TXNDC11: variants seen among roughly 807,000 people sequenced by gnomAD.
The protein encoded by TXNDC11 is thioredoxin domain containing 11, also known as thioredoxin domain-containing protein 11.
In TXNDC11, 68 loss-of-function variants were observed where a neutral mutation model predicts 78.0. That is an observed-to-expected ratio of 0.87 (90% CI 0.72 to 1.07). The LOEUF (loss-of-function observed/expected upper bound fraction) is 1.07, where lower values mean the gene tolerates loss of function less well. TXNDC11 is among the 50% of genes least tolerant of loss of function. The probability of loss-of-function intolerance (pLI) is 0.00; values close to 1 mark genes in which losing one functional copy is unlikely to be tolerated. For synonymous variants in TXNDC11, 571 were observed against 495.2 expected (o/e 1.15, Z -2.03); for missense variants, 1,389 against 1,221.8 (o/e 1.14, Z -2.04).
chr16:11,718,890 G>A (rs2051622530), intron 5 of TXNDC11, among the ~76,000 whole-genome samples: 1 of 152,136 alleles, frequency 6.6e-6, no homozygotes, highest in African/African-American at 2.4e-5. Flanking sequence ...ATTTGACCAA[G>A]GAGGTTCATT....
intron 7 of TXNDC11, among the ~76,000 whole-genome samples, chr16:11,692,809 A>C (rs771472080): frequency 6.6e-6 from 1 of 152,090 alleles, no homozygotes; most frequent in Non-Finnish European, 1.5e-5. Flanking sequence ...ACCTCCACAC[A>C]ATCTGGCCCG....
At chr16:11,722,620 C>T (rs1249277588) in intron 4 of TXNDC11, among the ~76,000 whole-genome samples, 1 of 152,084 alleles carries the variant, frequency 6.6e-6, no homozygotes, top group Non-Finnish European at 1.5e-5. Flanking sequence ...ACCTCAGTTG[C>T]CTGATGTGGA....
chr16:11,682,352 GTCT>G (rs1187621217), intron 11 of TXNDC11, among the ~76,000 whole-genome samples: 5 of 152,238 alleles, frequency 3.3e-5, no homozygotes, highest in Non-Finnish European at 5.9e-5. Flanking sequence ...GAAGTGGACA[GTCT>G]TCTTATGTTC....
intron 1 of TXNDC11, among the ~76,000 whole-genome samples, chr16:11,737,851 C>CAAAAAAA (rs538318388): frequency 1.8e-5 from 1 of 54,182 alleles, no homozygotes; most frequent in Non-Finnish European, 3.6e-5. Flanking sequence ...CTACGTCTCT[C>CAAAAAAA]AAAAAAAAAA....
chr16:11,702,068 G>A (rs1269509221), intron 5 of TXNDC11, among the ~76,000 whole-genome samples: 2 of 147,026 alleles, frequency 1.4e-5, no homozygotes, highest in African/African-American at 5.1e-5. Context: ...GTGTGTGTAT[G>A]TGTGTGTGTG....
At chr16:11,738,737 A>T (rs2052302726) in intron 1 of TXNDC11, among the ~76,000 whole-genome samples, 1 of 152,142 alleles carries the variant, frequency 6.6e-6, no homozygotes, top group Admixed American at 6.5e-5. Context: ...TACCATTCAA[A>T]CTGCACATGG....
At chr16:11,705,636 G>A (rs928238573) in intron 5 of TXNDC11, among the ~76,000 whole-genome samples, 6 of 152,224 alleles carry the variant, frequency 3.9e-5, no homozygotes, top group African/African-American at 1.2e-4. Context: ...CTGTTTAACT[G>A]CCTTAATAAG....
At chr16:11,730,245 CA>C (rs1034058970) in intron 4 of TXNDC11, among the ~76,000 whole-genome samples, 45 of 152,106 alleles carry the variant, frequency 3.0e-4, no homozygotes, top group African/African-American at 9.6e-4. Context: ...TTCCAGTTTT[CA>C]AAAAAACCAA....
chr16:11,682,432 A>G (rs975343795), intron 11 of TXNDC11, among the ~76,000 whole-genome samples: 5 of 152,224 alleles, frequency 3.3e-5, no homozygotes, highest in Non-Finnish European at 5.9e-5. Context: ...AGAAATGCGC[A>G]CATCTTCACG....
intron 10 of TXNDC11, among the ~76,000 whole-genome samples, 191 bp from the exon 11 acceptor site, chr16:11,684,436 C>T (rs562306822): frequency 2.6e-5 from 4 of 152,264 alleles, no homozygotes; most frequent in Admixed American, 1.3e-4. Context: ...CATTCTACTA[C>T]GTGGACGCTT....
Position 11,742,836 on chromosome 16 carries a change from C to A in TXNDC11, c.-106G>T. On this transcript the variant is annotated 5_prime_UTR_variant, in exon 1 of 12. Transcript: ENST00000283033. ...CCCGCAGCTCGCCGCACCCGCTAAC[C>A]CGGACGCTCCACGTCAGCCGCGCCG... 1.5e-6 allele frequency: 2 copies of A among 1,356,046 alleles called. No individual in the cohort carries two copies. The highest frequency in any genetic ancestry group is 3.8e-5 in the South Asian group (2 of 52,000). The allele number at this position is 1,356,046 out of a possible 1,614,324, so 84.0% of individuals were successfully genotyped here. A position where few individuals can be genotyped will look rare whatever the true frequency, so the allele number is the denominator to read the frequency against.
intron 4 of TXNDC11, among the ~76,000 whole-genome samples, chr16:11,724,515 G>A (rs1011777180): frequency 2.0e-5 from 3 of 152,104 alleles, no homozygotes; most frequent in African/African-American, 7.2e-5. Flanking sequence ...TATAATCCCA[G>A]GACTTTTGGG....
At position 11,691,736 on chromosome 16, in the gene TXNDC11, A is replaced by C; in HGVS notation, c.1454T>G (p.Val485Gly). Residue 485 changes from valine (V) to glycine (G), a missense_variant, in exon 8 of 12, where the codon GTG (valine) becomes GGG (glycine). Physicochemically the swap from Val to Gly is moderately radical, Grantham distance 109. Transcript: ENST00000283033. ...FYLKEQTFYH[V>G]ASDSIECSNF... ...GCTGCATTCTATGCTGTCTGATGCC[A>C]CATGATAAAAGGTCTGCTCCTTGAG... 6.2e-7 allele frequency: 1 copy of C among 1,614,260 alleles called. No individual in the cohort carries two copies. The highest frequency in any genetic ancestry group is 8.5e-7 in the Non-Finnish European group (1 of 1,180,056).
At chr16:11,722,868 A>G (rs927665714) in intron 4 of TXNDC11, among the ~76,000 whole-genome samples, 1 of 152,216 alleles carries the variant, frequency 6.6e-6, no homozygotes, top group South Asian at 2.1e-4. Context: ...GAAACTTTTG[A>G]TCTGTAGTAG....
Position 11,698,168 on chromosome 16 carries a change from A to G in TXNDC11, c.1064T>C (p.Ile355Thr). The change falls in exon 7 of 12, where the codon ATA becomes ACA. Residue 355 changes from isoleucine to threonine, a missense_variant. Physicochemically the swap from Ile to Thr is moderately conservative, Grantham distance 89. Transcript: ENST00000283033. ...LKKGPALFLF[I>T]PFNPLAESHP... ...ACTTTCGGCCAGGGGATTAAAAGGT[A>G]TGAACAGAAACAGCGCTGGTCCTTT... 6.2e-7 allele frequency: 1 copy of G among 1,614,258 alleles called. No individual in the cohort carries two copies. The highest frequency in any genetic ancestry group is 8.5e-7 in the Non-Finnish European group (1 of 1,180,044).
intron 2 of TXNDC11, 102 bp downstream of exon 2, chr16:11,735,915 T>A: frequency 1.8e-6 from 2 of 1,137,782 alleles, no homozygotes; most frequent in South Asian, 1.3e-5. Flanking sequence ...GGAGTTCACC[T>A]TGGCAAAGTC....
At chr16:11,719,089 T>C (rs572503803) in intron 5 of TXNDC11, among the ~76,000 whole-genome samples, 73 of 152,212 alleles carry the variant, frequency 4.8e-4, no homozygotes, top group African/African-American at 1.7e-3. Context: ...TTAAGATGAG[T>C]AATGTATTTC....
chr16:11,683,408 G>GGGTAAGAAAGCCACCCTGTCCTC (rs1346735915), intron 11 of TXNDC11, among the ~76,000 whole-genome samples: 2 of 152,198 alleles, frequency 1.3e-5, no homozygotes, highest in Admixed American at 1.3e-4. Flanking sequence ...GACGTGCCAT[G>GGGTAAGAAAGCCACCCTGTCCTC]GGTAAGAAAG....
At chr16:11,695,211 T>C (rs2050827462) in intron 7 of TXNDC11, among the ~76,000 whole-genome samples, 2 of 152,204 alleles carry the variant, frequency 1.3e-5, no homozygotes, top group South Asian at 2.1e-4. Flanking sequence ...ATCTGTACTT[T>C]TGCATGTGTG....
Sources: gnomAD v4.1 joint callset for allele counts (sites outside exome capture counted in the v4.1 genomes callset) on GRCh38, gnomAD v4.1.1 for gene constraint, MANE v1.5 for transcripts, NCBI Gene and HGNC (gene_info 2026-07-23, HGNC 2026-07-21) for gene names.